The following ADGRG4 variants were observed in gnomAD, a reference collection of about 807,000 sequenced individuals.
ADGRG4 encodes the protein adhesion G protein-coupled receptor G4, also known as G protein-coupled receptor 112.
In ADGRG4, 122 loss-of-function variants were observed where a neutral mutation model predicts 126.2. That is an observed-to-expected ratio of 0.97 (90% CI 0.83 to 1.12). ADGRG4 has a LOEUF of 1.12. Ranked by LOEUF, ADGRG4 falls within the 50% of genes most tolerant of loss-of-function variation. The pLI, the probability that ADGRG4 is intolerant of heterozygous loss-of-function variation, is 0.00. For synonymous variants in ADGRG4, 943 were observed against 838.7 expected, an observed-to-expected ratio of 1.12 and a Z score of -2.15; for missense variants, 2,481 against 2,251.8, an observed-to-expected ratio of 1.10 and a Z score of -2.06.
At position 136,309,972 on chromosome X, in the gene ADGRG4, C is replaced by T. The variant is rs2074757533; in HGVS notation, c.70+1125C>T. Among the ~76,000 whole-genome samples, 3 of 110,625 alleles carry T rather than the reference C, an allele frequency of 2.7e-5. No individual in the cohort carries two copies. The Admixed American group carries it at 2.9e-4, about 11-fold the overall frequency. On this transcript the variant is annotated intron_variant, in intron 4 of 25. Coordinates refer to ENST00000394143, the MANE Select transcript of ADGRG4 (RefSeq NM_153834.4). ...ATCTGTATGGTGGTGGGGTATATGA[C>T]ACAAACTCCATTGGTTTTTGTGAAG...
chrX:136,332,856 T>C (rs12393438), intron 5 of ADGRG4, among the ~76,000 whole-genome samples: 47,985 of 107,075 alleles, frequency 0.45, 8,295 homozygotes, highest in Middle Eastern at 0.59. Flanking sequence ...TGGGGTTGTT[T>C]GTTTTTTTCT....
chrX:136,360,297 G>A (rs1471021197), intron 11 of ADGRG4, among the ~76,000 whole-genome samples: 1 of 111,524 alleles, frequency 9.0e-6, no homozygotes, highest in Non-Finnish European at 1.9e-5. Flanking sequence ...AATATTTCCA[G>A]AATCAGGGTC....
intron 14 of ADGRG4, 43 bp downstream of exon 14, chrX:136,371,587 T>C: frequency 3.6e-6 from 3 of 829,902 alleles, no homozygotes; most frequent in East Asian, 3.3e-5. Context: ...TTTTAAAAAA[T>C]TTAAAATGCA....
chrX:136,352,876 C>A (rs138326464), intron 7 of ADGRG4, among the ~76,000 whole-genome samples: 2,314 of 111,990 alleles, frequency 0.021, 113 homozygotes, highest in Admixed American at 0.15. Context: ...TCTCACAGTT[C>A]TGGAATCTGG....
intron 10 of ADGRG4, among the ~76,000 whole-genome samples, chrX:136,359,080 G>A (rs2075111492): frequency 8.9e-6 from 1 of 112,529 alleles, no homozygotes; most frequent in African/African-American, 3.2e-5. Context: ...AATAGGTTTT[G>A]CATTGTCTGT....
At chrX:136,370,017 G>A (rs772938849) in intron 13 of ADGRG4, among the ~76,000 whole-genome samples, 30 of 111,939 alleles carry the variant, frequency 2.7e-4, no homozygotes, top group Non-Finnish European at 5.5e-4. Flanking sequence ...GCAAAAAGTA[G>A]CCTGTGTAGG....
At chrX:136,365,035 A>G (rs1167843909) in intron 13 of ADGRG4, among the ~76,000 whole-genome samples, 1 of 112,070 alleles carries the variant, frequency 8.9e-6, no homozygotes, top group Non-Finnish European at 1.9e-5. Flanking sequence ...CAACTCCTTC[A>G]TCAACACAGC....
At chrX:136,399,063 A>C (rs977285348) in intron 20 of ADGRG4, among the ~76,000 whole-genome samples, 1 of 112,419 alleles carries the variant, frequency 8.9e-6, no homozygotes, top group African/African-American at 3.2e-5. Flanking sequence ...ATTTACAAAA[A>C]GTTCCAAACA....
At chrX:136,380,648 CTT>C (rs2075257622) in intron 15 of ADGRG4, among the ~76,000 whole-genome samples, 1 of 80,848 alleles carries the variant, frequency 1.2e-5, no homozygotes, top group Non-Finnish European at 2.4e-5. Context: ...TCTTCTTCTT[CTT>C]CCTCCTCCTC....
chrX:136,405,432 A>C (rs1401635380), intron 22 of ADGRG4, among the ~76,000 whole-genome samples: 2 of 111,131 alleles, frequency 1.8e-5, no homozygotes, highest in African/African-American at 6.6e-5. Flanking sequence ...AATTGGACTG[A>C]CAGGTTTCTG....
intron 5 of ADGRG4, among the ~76,000 whole-genome samples, chrX:136,326,428 A>G (rs2074873463): frequency 8.9e-6 from 1 of 112,415 alleles, no homozygotes; most frequent in African/African-American, 3.2e-5. Context: ...AATGTCACCA[A>G]TCAAATAAGT....
chrX:136,355,501 T>C (rs1046153240), intron 8 of ADGRG4, among the ~76,000 whole-genome samples: 1 of 111,703 alleles, frequency 9.0e-6, no homozygotes, highest in Non-Finnish European at 1.9e-5. Flanking sequence ...AAAAGTAATA[T>C]GTGACCACTG....
Position 136,345,805 on chromosome X carries a change from C to T in ADGRG4, c.2099C>T (p.Thr700Ile). 8.3e-7 allele frequency: 1 copy of T among 1,210,269 alleles called. No homozygotes were observed. Among genetic ancestry groups the T allele is most frequent in the Non-Finnish European group, 1.1e-6 (1 of 894,435 alleles). ...TTYTEYLSAT[T>I]NITPLKASPE... ...TATACAGAATATTTATCCGCAACTA[C>T]CAATATCACCCCACTGAAAGCATCT... is the stretch of plus-strand genomic sequence containing the variant. Residue 700 changes from threonine to isoleucine, a missense_variant, in exon 6 of 26, where the codon ACC becomes ATC. Thr to Ile is a moderately conservative substitution (Grantham distance 89). Coordinates refer to ENST00000394143, the MANE Select transcript of ADGRG4 (RefSeq NM_153834.4).
chrX:136,375,607 G>T (rs1470611497), intron 15 of ADGRG4, among the ~76,000 whole-genome samples: 1 of 111,769 alleles, frequency 8.9e-6, no homozygotes, highest in Non-Finnish European at 1.9e-5. Context: ...ATCTCATGGT[G>T]GTTTTAATTT....
chrX:136,335,149 C>T (rs1335584771), intron 5 of ADGRG4, among the ~76,000 whole-genome samples: 2 of 110,933 alleles, frequency 1.8e-5, no homozygotes, highest in South Asian at 3.8e-4. Context: ...TATAATTTTT[C>T]TTCTTTATCT....
intron 9 of ADGRG4, among the ~76,000 whole-genome samples, chrX:136,356,417 G>C (rs1324576207): frequency 9.0e-6 from 1 of 111,627 alleles, no homozygotes; most frequent in African/African-American, 3.3e-5. Context: ...TAAATGGTAA[G>C]TGAATTTCTT....
intron 15 of ADGRG4, among the ~76,000 whole-genome samples, chrX:136,386,232 A>G (rs2075292054): frequency 8.9e-6 from 1 of 111,934 alleles, no homozygotes; most frequent in Non-Finnish European, 1.9e-5. Flanking sequence ...TGAGTTTATT[A>G]GGAGCTACTT....
intron 16 of ADGRG4, among the ~76,000 whole-genome samples, chrX:136,389,226 C>T (rs2148491288): frequency 8.9e-6 from 1 of 111,834 alleles, no homozygotes; most frequent in East Asian, 2.8e-4. Context: ...TCCTTCCTGC[C>T]TCCTGGGCAA....
chrX:136,405,386 T>C (rs2075400106), intron 22 of ADGRG4, among the ~76,000 whole-genome samples: 2 of 111,215 alleles, frequency 1.8e-5, no homozygotes, highest in African/African-American at 6.5e-5. Context: ...TATCATTCGT[T>C]TTTCTGCTGT....
Sources: gnomAD v4.1 joint callset for allele counts (sites outside exome capture counted in the v4.1 genomes callset) on GRCh38, gnomAD v4.1.1 for gene constraint, MANE v1.5 for transcripts, NCBI Gene and HGNC (gene_info 2026-07-23, HGNC 2026-07-21) for gene names.